PGGT1B: variants seen among roughly 807,000 people sequenced by gnomAD.
The protein encoded by PGGT1B is protein geranylgeranyltransferase type I subunit beta, also known as geranylgeranyl transferase type-1 subunit beta.
Under a neutral mutation model 46.1 loss-of-function variants are expected in PGGT1B, and 30 were observed. The observed-to-expected ratio is 0.65, with a 90% CI of 0.49 to 0.88. The LOEUF is 0.88. PGGT1B is among the 40% of genes least tolerant of loss of function. The pLI is 0.00. For synonymous variants in PGGT1B, 170 were observed against 160.0 expected (o/e 1.06, Z -0.47); for missense variants, 376 against 455.9 (o/e 0.82, Z 1.60).
intron 5 of PGGT1B, 58 bp from the exon 6 acceptor site, chr5:115,231,079 T>C (rs1756964916): frequency 1.1e-6 from 1 of 888,202 alleles, no homozygotes; most frequent in African/African-American, 1.8e-5. Flanking sequence ...AATAAATGAA[T>C]AAATAAGTTG....
chr5:115,215,767 T>G (rs1756395934), intron 8 of PGGT1B, among the ~76,000 whole-genome samples: 1 of 152,118 alleles, frequency 6.6e-6, no homozygotes, highest in South Asian at 2.1e-4. Flanking sequence ...TGAGGCACTT[T>G]CCAGGCTGAT....
intron 3 of PGGT1B, among the ~76,000 whole-genome samples, chr5:115,239,552 G>A (rs972751514): frequency 6.6e-6 from 1 of 152,158 alleles, no homozygotes; most frequent in Non-Finnish European, 1.5e-5. Flanking sequence ...CAACTGCATG[G>A]AAGCCAAACA....
chr5:115,227,149 G>A (rs753008730), intron 6 of PGGT1B, among the ~76,000 whole-genome samples: 4 of 152,158 alleles, frequency 2.6e-5, no homozygotes, highest in Middle Eastern at 3.2e-3. Flanking sequence ...TTGTAGGCAG[G>A]ATGAGATTAC....
chr5:115,232,590 T>G (rs1028984611), intron 5 of PGGT1B, among the ~76,000 whole-genome samples: 1 of 152,052 alleles, frequency 6.6e-6, no homozygotes, highest in Non-Finnish European at 1.5e-5. Flanking sequence ...CATCATACAT[T>G]TATAACTGAC....
At chr5:115,259,473 A>T (rs1183582461) in intron 1 of PGGT1B, among the ~76,000 whole-genome samples, 2 of 152,120 alleles carry the variant, frequency 1.3e-5, no homozygotes, top group African/African-American at 4.8e-5. Flanking sequence ...GCGGATCACA[A>T]GGCCAAGAGA....
Position 115,212,428 on chromosome 5 carries a change from A to G in PGGT1B, c.1108T>C (p.Ser370Pro). 1 of 1,575,450 alleles carries G rather than the reference A, an allele frequency of 6.3e-7. No individual in the cohort carries two copies. Reference protein sequence around the residue: ...SWKTKDSKQCSENVHIST With the variant: ...SWKTKDSKQCPENVHIST ...CATGTGGAGATATGTACATTCTCTG[A>G]GCATTGTTTAGAGTCCTTGGTTTTC... Residue 370 changes from serine (S) to proline (P), a missense_variant, in exon 9 of 9, where the codon TCA (serine) becomes CCA (proline). Around this residue, in one of 2 missense-constraint regions of PGGT1B, gnomAD observed 222 missense variants for 313.6 expected, o/e 0.71. Transcript: ENST00000419445.
chr5:115,256,615 T>C (rs1274978248), intron 1 of PGGT1B, among the ~76,000 whole-genome samples: 1 of 152,184 alleles, frequency 6.6e-6, no homozygotes, highest in East Asian at 1.9e-4. Context: ...TAAGTCACTT[T>C]GGGGCAAATA....
intron 2 of PGGT1B, among the ~76,000 whole-genome samples, chr5:115,247,966 C>G (rs1580774242): frequency 1.3e-5 from 2 of 152,150 alleles, no homozygotes; most frequent in East Asian, 3.8e-4. Flanking sequence ...ATTTCCAAAA[C>G]AGATGACTTA....
intron 1 of PGGT1B, among the ~76,000 whole-genome samples, chr5:115,258,917 C>T (rs979516933): frequency 1.3e-5 from 2 of 152,222 alleles, no homozygotes; most frequent in East Asian, 3.8e-4. Flanking sequence ...AACACCGCAG[C>T]TCTTTCGCCT....
At chr5:115,232,493 CT>C (rs1757024480) in intron 5 of PGGT1B, among the ~76,000 whole-genome samples, 1 of 151,990 alleles carries the variant, frequency 6.6e-6, no homozygotes, top group African/African-American at 2.4e-5. Context: ...CACAATATTT[CT>C]AATGTTTTAA....
chr5:115,244,452 G>A (rs1299105083), intron 2 of PGGT1B, among the ~76,000 whole-genome samples: 33 of 86,678 alleles, frequency 3.8e-4, no homozygotes, highest in East Asian at 1.6e-3. Context: ...GCAACAGAGC[G>A]AGACTCTGTC....
chr5:115,240,529 C>T (rs1329641897), intron 3 of PGGT1B, among the ~76,000 whole-genome samples: 1 of 152,084 alleles, frequency 6.6e-6, no homozygotes, highest in African/African-American at 2.4e-5. Context: ...TTTTCTCATT[C>T]CCTGCTAAAT....
At chr5:115,214,352 G>C (rs967929356) in intron 8 of PGGT1B, among the ~76,000 whole-genome samples, 2 of 152,038 alleles carry the variant, frequency 1.3e-5, no homozygotes, top group African/African-American at 4.8e-5. Context: ...CTTTAGATGT[G>C]GAACTATATG....
At chr5:115,261,133 C>A (rs1344675227) in intron 1 of PGGT1B, among the ~76,000 whole-genome samples, 1 of 152,172 alleles carries the variant, frequency 6.6e-6, no homozygotes, top group East Asian at 1.9e-4. Context: ...TTTGAATTCA[C>A]ATAAAATTAA....
At chr5:115,259,788 G>A (rs1249546473) in intron 1 of PGGT1B, among the ~76,000 whole-genome samples, 1 of 151,862 alleles carries the variant, frequency 6.6e-6, no homozygotes, top group South Asian at 2.1e-4. Context: ...GATACACAGG[G>A]GAAAATAGAG....
chr5:115,242,230 CTT>C (rs908320196), intron 2 of PGGT1B, among the ~76,000 whole-genome samples: 7 of 152,232 alleles, frequency 4.6e-5, no homozygotes, highest in East Asian at 3.9e-4. Flanking sequence ...TTTATCCATA[CTT>C]TTTTTCTATC....
At chr5:115,250,721 T>A (rs1246163776) in intron 2 of PGGT1B, among the ~76,000 whole-genome samples, 1 of 152,164 alleles carries the variant, frequency 6.6e-6, no homozygotes, top group Non-Finnish European at 1.5e-5. Context: ...CCATGAACTT[T>A]TTCAAAATAA....
At chr5:115,213,419 A>C (rs1756302913) in intron 8 of PGGT1B, among the ~76,000 whole-genome samples, 1 of 152,190 alleles carries the variant, frequency 6.6e-6, no homozygotes, top group East Asian at 1.9e-4. Context: ...GTTTTGTACC[A>C]GTCAAAATTT....
Position 115,223,205 on chromosome 5 carries a change from G to C in PGGT1B, c.659-1197C>G, listed in dbSNP as rs576474164. 2.0e-5 allele frequency among the ~76,000 whole-genome samples: 3 copies of C among 152,202 alleles called. No homozygotes were observed. The South Asian group carries it at 6.2e-4, about 32-fold the overall frequency. On this transcript the variant is annotated intron_variant, in intron 6 of 8. Coordinates refer to ENST00000419445, the MANE Select transcript of PGGT1B (RefSeq NM_005023.4). ...AACCAAATATGAAAGCAGATGCACAGCATTACTTCAAAACGTATCCATACC... is the reference window on the plus strand; with the variant it reads ...AACCAAATATGAAAGCAGATGCACACCATTACTTCAAAACGTATCCATACC...
Sources: gnomAD v4.1 joint callset for allele counts (sites outside exome capture counted in the v4.1 genomes callset) on GRCh38, gnomAD v4.1.1 for gene constraint, gnomAD v4.1.1 regional missense constraint, MANE v1.5 for transcripts, NCBI Gene and HGNC (gene_info 2026-07-23, HGNC 2026-07-21) for gene names.